DNAH14: variants seen among roughly 807,000 people sequenced by gnomAD.
The protein encoded by DNAH14 is dynein axonemal heavy chain 14, also known as axonemal beta dynein heavy chain 14.
A neutral mutation model predicts 520.9 loss-of-function variants in DNAH14; 478 were observed. The ratio of observed to expected loss-of-function variants is 0.92; its 90% CI spans 0.85 to 0.99. The LOEUF (loss-of-function observed/expected upper bound fraction) is 0.99. Ranked by LOEUF, DNAH14 falls within the 50% of genes least tolerant of loss-of-function variation. The pLI is 0.00. For synonymous variants in DNAH14, 1,581 were observed against 1,757.2 expected, an observed-to-expected ratio of 0.90 and a Z score of 2.51; for missense variants, 4,831 against 5,234.5, an observed-to-expected ratio of 0.92 and a Z score of 2.38.
At chr1:225,182,703 C>CG (rs1415128293) in intron 36 of DNAH14, among the ~76,000 whole-genome samples, 1 of 152,116 alleles carries the variant, frequency 6.6e-6, no homozygotes, top group East Asian at 1.9e-4. Context: ...GCATTTAGTA[C>CG]TGGCCCTGCC....
chr1:225,382,623 A>T (rs943707073), intron 81 of DNAH14, among the ~76,000 whole-genome samples: 2 of 151,984 alleles, frequency 1.3e-5, no homozygotes, highest in African/African-American at 2.4e-5. Context: ...CTAAGGGAGG[A>T]GAATTGCTTG....
chr1:225,114,895 C>CT (rs1417727734), intron 23 of DNAH14, among the ~76,000 whole-genome samples: 2 of 152,194 alleles, frequency 1.3e-5, no homozygotes. Flanking sequence ...TTCCTACTCT[C>CT]TTAAGTGTCT....
intron 67 of DNAH14, 25 bp from the exon 68 acceptor site, chr1:225,338,036 T>C (rs970204281): frequency 2.1e-5 from 32 of 1,497,858 alleles, no homozygotes; most frequent in African/African-American, 2.9e-5. Flanking sequence ...TGATTTTTCT[T>C]ATTTTTGTCT....
At chr1:225,271,315 A>G (rs1207809738) in intron 50 of DNAH14, among the ~76,000 whole-genome samples, 9 of 152,154 alleles carry the variant, frequency 5.9e-5, no homozygotes, top group Non-Finnish European at 1.3e-4. Context: ...GGTGCGAACT[A>G]TTTACCAACT....
intron 64 of DNAH14, among the ~76,000 whole-genome samples, chr1:225,328,886 A>G (rs1296846926): frequency 2.0e-5 from 3 of 152,336 alleles, no homozygotes; most frequent in East Asian, 1.9e-4. Flanking sequence ...CAAACAACCC[A>G]TAATTGTTAT....
intron 23 of DNAH14, among the ~76,000 whole-genome samples, chr1:225,104,880 T>C (rs916234411): frequency 2.0e-5 from 3 of 152,204 alleles, no homozygotes; most frequent in African/African-American, 4.8e-5. Flanking sequence ...TATGTCTCTA[T>C]GTCCTTCAGT....
intron 84 of DNAH14, among the ~76,000 whole-genome samples, chr1:225,393,787 T>C (rs1423732089): frequency 1.3e-5 from 2 of 152,078 alleles, no homozygotes; most frequent in East Asian, 3.9e-4. Context: ...GTCATTCTAG[T>C]GGACGTGCAG....
intron 12 of DNAH14, among the ~76,000 whole-genome samples, chr1:225,041,768 T>TATATAG (rs1476825010): frequency 6.6e-6 from 1 of 152,216 alleles, no homozygotes; most frequent in African/African-American, 2.4e-5. Context: ...TTAGAAGGTA[T>TATATAG]ATATAGCTTG....
intron 27 of DNAH14, among the ~76,000 whole-genome samples, chr1:225,127,937 G>A (rs1573331165): frequency 6.6e-6 from 1 of 152,122 alleles, no homozygotes; most frequent in South Asian, 2.1e-4. Context: ...TTGCTTGTCT[G>A]TAAAGGATTT....
At chr1:225,207,446 T>C (rs1206458644) in intron 41 of DNAH14, among the ~76,000 whole-genome samples, 5 of 152,160 alleles carry the variant, frequency 3.3e-5, no homozygotes, top group African/African-American at 1.2e-4. Flanking sequence ...GAAAAATGAT[T>C]GTAAAGAACC....
At chr1:225,377,476 C>A in intron 79 of DNAH14, 40 bp downstream of exon 79, 1 of 1,512,434 alleles carries the variant, frequency 6.6e-7, no homozygotes, top group South Asian at 1.3e-5. Context: ...CAAAAATTAT[C>A]AGGCTGGGTC....
At chr1:224,950,842 C>T (rs917344955) in intron 1 of DNAH14, among the ~76,000 whole-genome samples, 8 of 151,918 alleles carry the variant, frequency 5.3e-5, no homozygotes, top group African/African-American at 1.9e-4. Flanking sequence ...CCCAAAAGAA[C>T]ACTATTTTGC....
At chr1:225,156,441 A>C (rs1005394486) in intron 34 of DNAH14, among the ~76,000 whole-genome samples, 1 of 152,102 alleles carries the variant, frequency 6.6e-6, no homozygotes, top group Non-Finnish European at 1.5e-5. Flanking sequence ...GGTTGCCTGC[A>C]TTTCCTGGCT....
At chr1:225,263,679 G>C (rs2093016794) in intron 46 of DNAH14, among the ~76,000 whole-genome samples, 1 of 151,764 alleles carries the variant, frequency 6.6e-6, no homozygotes, top group African/African-American at 2.4e-5. Flanking sequence ...AAATAATTTT[G>C]AAATATTTAA....
At chr1:225,090,398 T>A (rs1443851110) in intron 21 of DNAH14, among the ~76,000 whole-genome samples, 4 of 152,188 alleles carry the variant, frequency 2.6e-5, no homozygotes, top group Non-Finnish European at 1.5e-5. Context: ...TCTACAATTC[T>A]TGTGGAAATG....
At chr1:225,090,923 T>C (rs958980168) in intron 21 of DNAH14, among the ~76,000 whole-genome samples, 23 of 152,098 alleles carry the variant, frequency 1.5e-4, no homozygotes, top group African/African-American at 5.3e-4. Flanking sequence ...CACTTTTAAG[T>C]GAATACAAAT....
chr1:224,947,711 C>A (rs1003210986), intron 1 of DNAH14, among the ~76,000 whole-genome samples: 1 of 151,978 alleles, frequency 6.6e-6, no homozygotes, highest in African/African-American at 2.4e-5. Context: ...ATGAGTACCT[C>A]TTTAGCTGCA....
chr1:225,119,663 T>G (rs1236098940), intron 26 of DNAH14, among the ~76,000 whole-genome samples: 1 of 152,188 alleles, frequency 6.6e-6, no homozygotes, highest in African/African-American at 2.4e-5. Flanking sequence ...GTTCTACTTT[T>G]ACTTCCTAGG....
In DNAH14 at chr1:225,192,786, A is replaced by G. The variant is rs1423194966; in HGVS notation, c.5761A>G (p.Thr1921Ala). 6.5e-7 allele frequency: 1 copy of G among 1,550,252 alleles called. No individual in the cohort carries two copies. Among genetic ancestry groups the G allele is most frequent in the Non-Finnish European group, 8.7e-7 (1 of 1,146,022 alleles). The change falls in exon 38 of 86, where the codon ACT becomes GCT. Residue 1921 changes from threonine (T) to alanine (A), a missense_variant. Transcript: ENST00000682510. ...SELYGQLDPN[T>A]MEWTDGLLSA... Reference sequence around the variant, plus strand: ...ACTATATGGACAACTGGATCCTAATACTATGGAATGGACTGATGGATTATT... The same window carrying G: ...ACTATATGGACAACTGGATCCTAATGCTATGGAATGGACTGATGGATTATT...
Sources: allele counts gnomAD v4.1 joint callset (sites outside exome capture counted in the v4.1 genomes callset), GRCh38; gene constraint gnomAD v4.1.1; transcripts MANE v1.5; gene names NCBI Gene and HGNC (gene_info 2026-07-23, HGNC 2026-07-21).